Variants in ANKLE2 observed in about 807,000 individuals in gnomAD.
The protein encoded by ANKLE2 is ankyrin repeat and LEM domain-containing protein 2.
A neutral mutation model predicts 84.2 loss-of-function variants in ANKLE2; 55 were observed. The observed-to-expected ratio is 0.65, with a 90% CI of 0.53 to 0.82. The LOEUF is 0.82. ANKLE2 is among the 40% of genes least tolerant of loss of function. The pLI, the probability that ANKLE2 is intolerant of heterozygous loss-of-function variation, is 0.00. For missense variants in ANKLE2, 1,238 were observed against 1,201.9 expected (o/e 1.03, Z -0.44); for synonymous variants, 551 against 486.1 (o/e 1.13, Z -1.76).
rs566940546 is a variant in ANKLE2 at position 132,748,237 on chromosome 12, C to T, written c.942G>A (p.Arg314=). Reference sequence around the variant, plus strand: ...CCTCCTCTCCCTTCTCCACAGCTTTCCGAAGCTTGGCGGTGAGGTCCTGCG... The same window carrying T: ...CCTCCTCTCCCTTCTCCACAGCTTTTCGAAGCTTGGCGGTGAGGTCCTGCG... ...PRTQDLTAKL[R]KAVEKGEEDT... Residue 314 remains arginine, a synonymous_variant, in exon 4 of 13, where the codon CGG becomes CGA. Coordinates refer to ENST00000357997, the MANE Select transcript of ANKLE2 (RefSeq NM_015114.3). 1 of 1,614,184 alleles carries T rather than the reference C, an allele frequency of 6.2e-7. No individual in the cohort carries two copies. Among genetic ancestry groups the T allele is most frequent in the African/African-American group, 1.3e-5 (1 of 75,038 alleles).
At chr12:132,747,211 CCTCT>C (rs1176540527) in intron 5 of ANKLE2, among the ~76,000 whole-genome samples, 6 of 151,660 alleles carry the variant, frequency 4.0e-5, no homozygotes, top group Non-Finnish European at 7.4e-5. Flanking sequence ...ACCCCAGCAG[CCTCT>C]CTCTCTCCAC....
intron 10 of ANKLE2, among the ~76,000 whole-genome samples, chr12:132,733,729 G>A (rs1274691913): frequency 6.6e-6 from 1 of 152,122 alleles, no homozygotes; most frequent in Non-Finnish European, 1.5e-5. Context: ...TGTCTGATAC[G>A]CACCGTGCAA....
At chr12:132,758,913 CCCGGGG>C (rs2044540906) in intron 1 of ANKLE2, 4 of 146,976 alleles carry the variant, frequency 2.7e-5, no homozygotes, top group Admixed American at 1.4e-4. Context: ...GGAGTGGCAC[CCCGGGG>C]CACCCACGTG....
rs1354368792 is a variant in ANKLE2, at chr12:132,761,682, CG to C, written c.116del (p.Pro39ArgfsTer25). On this transcript the variant is annotated frameshift_variant, in exon 1 of 13. Coordinates refer to ENST00000357997, the MANE Select transcript of ANKLE2 (RefSeq NM_015114.3). LOFTEE classifies it high-confidence loss of function. Reference sequence around the variant, plus strand: ...GGGTCCCGCTGCGGCCCAGACCTCCCGGCCGCGGGCCCAGCCGCCGCACCAG... The same window carrying C: ...GGGTCCCGCTGCGGCCCAGACCTCCCGCCGCGGGCCCAGCCGCCGCACCAG... ...RWLVRRLGPR[P>X]GGLGRSGTPV... 1 of 1,344,170 alleles carries C rather than the reference CG, an allele frequency of 7.4e-7. No homozygotes were observed. Among genetic ancestry groups the C allele is most frequent in the Non-Finnish European group, 9.6e-7 (1 of 1,041,430 alleles). 83.3% of individuals were successfully genotyped at this position (1,344,170 alleles called of 1,614,324 possible). A position where few individuals can be genotyped will look rare whatever the true frequency, so the allele number is the denominator to read the frequency against.
intron 11 of ANKLE2, among the ~76,000 whole-genome samples, chr12:132,729,179 C>T (rs1038234954): frequency 6.6e-6 from 1 of 150,630 alleles, no homozygotes; most frequent in Non-Finnish European, 1.5e-5. Flanking sequence ...GGCGAAACCC[C>T]ATCTCTACTA....
At chr12:132,741,286 G>A (rs1173174668) in intron 7 of ANKLE2, 133 bp downstream of exon 7, 17 of 817,254 alleles carry the variant, frequency 2.1e-5, no homozygotes, top group Middle Eastern at 2.5e-4. Flanking sequence ...GGATGATCCC[G>A]AGGAGAGGCT....
intron 5 of ANKLE2, among the ~76,000 whole-genome samples, chr12:132,747,137 G>A (rs912242973): frequency 1.3e-5 from 2 of 152,212 alleles, no homozygotes; most frequent in Non-Finnish European, 2.9e-5. Context: ...CATGGGCATC[G>A]GCCAGGATTG....
intron 1 of ANKLE2, chr12:132,756,967 GAAAT>G (rs1284848362): frequency 1.3e-5 from 2 of 151,760 alleles, no homozygotes; most frequent in East Asian, 1.9e-4. Flanking sequence ...AAAAAAAAAA[GAAAT>G]AAGTAAATAA....
intron 7 of ANKLE2, 152 bp downstream of exon 7, chr12:132,741,267 G>A (rs1235937686): frequency 9.9e-6 from 7 of 709,194 alleles, no homozygotes; most frequent in Admixed American, 2.5e-5. Context: ...GAGAGCTCAG[G>A]AGAAGAAAGG....
intron 5 of ANKLE2, among the ~76,000 whole-genome samples, chr12:132,746,855 C>T (rs776803078): frequency 3.9e-5 from 6 of 152,112 alleles, no homozygotes; most frequent in Non-Finnish European, 5.9e-5. Context: ...TTCACTAACA[C>T]GCTCCATCCC....
rs2043812830 is a variant in ANKLE2, at chr12:132,730,247, C to G, written c.1915G>C (p.Ala639Pro). Residue 639 changes from alanine to proline, a missense_variant, in exon 11 of 13, where the codon GCG becomes CCG. By Grantham distance (27) the Ala-to-Pro change is conservative. This residue lies in a region of ANKLE2 where 802 missense variants were observed against 774.5 expected (regional missense o/e 1.04). Coordinates refer to ENST00000357997, the MANE Select transcript of ANKLE2 (RefSeq NM_015114.3). ...TSGSNSISVR[A>P]FLDEDDMSLE... ...CTCATGTCATCTTCATCTAGAAACG[C>G]CCTCACGGAAATGGAATTGCTGCCT... is the stretch of plus-strand genomic sequence containing the variant. 6.4e-7 allele frequency: 1 copy of G among 1,568,168 alleles called. No individual in the cohort carries two copies. Among genetic ancestry groups the G allele is most frequent in the Non-Finnish European group, 8.7e-7 (1 of 1,155,646 alleles).
chr12:132,736,655 G>A (rs1367544350), intron 8 of ANKLE2, among the ~76,000 whole-genome samples: 1 of 152,226 alleles, frequency 6.6e-6, no homozygotes, highest in Non-Finnish European at 1.5e-5. Flanking sequence ...CTGCTTTGTT[G>A]AGACAGTGGC....
chr12:132,732,328 C>T (rs1290813471), intron 10 of ANKLE2: 103 of 107,444 alleles, frequency 9.6e-4, no homozygotes, highest in African/African-American at 2.3e-3. Flanking sequence ...GTGTCTGATA[C>T]GCACCGTGTG....
chr12:132,741,724 C>G, intron 6 of ANKLE2: 1 of 634,782 alleles, frequency 1.6e-6, no homozygotes, highest in Non-Finnish European at 2.9e-6. Flanking sequence ...GTTTGCGCTA[C>G]TCGACATTTT....
intron 3 of ANKLE2, among the ~76,000 whole-genome samples, chr12:132,750,380 C>T (rs1003699385): frequency 2.6e-5 from 4 of 151,764 alleles, no homozygotes; most frequent in Non-Finnish European, 5.9e-5. Flanking sequence ...GAACAAGACC[C>T]TGTCTCTTTA....
chr12:132,753,329 A>C (rs2044400274), intron 2 of ANKLE2, among the ~76,000 whole-genome samples: 1 of 152,024 alleles, frequency 6.6e-6, no homozygotes, highest in African/African-American at 2.4e-5. Context: ...CTCAAAAAAA[A>C]AAACCACCAA....
chr12:132,749,121 A>C (rs1037729252), intron 3 of ANKLE2: 24 of 151,996 alleles, frequency 1.6e-4, no homozygotes, highest in African/African-American at 5.3e-4. Flanking sequence ...TGTGGCTGCA[A>C]AGGATTACAG....
At chr12:132,734,800 A>G in intron 9 of ANKLE2, 1 of 517,216 alleles carries the variant, frequency 1.9e-6, no homozygotes, top group East Asian at 3.6e-5. Flanking sequence ...GGAGCCGTGA[A>G]CCGGCTGCAG....
In ANKLE2 at chr12:132,732,560, G is replaced by C. The variant is rs549384700; in HGVS notation, c.1891+1825C>G. On this transcript the variant is annotated intron_variant, in intron 10 of 12. Transcript: ENST00000357997. ...TGCATGCTGGTGTCTGATATGCACC[G>C]TGTGAAGCACTGCGCGTCCTGGCGT... Among the ~76,000 whole-genome samples, 16 of 137,090 alleles carry C rather than the reference G, an allele frequency of 1.2e-4. 1 individual carries two copies. The highest frequency in any genetic ancestry group is 4.3e-4 in the African/African-American group (16 of 36,856). The allele number at this position is 137,090 out of a possible 152,430, so 89.9% of individuals were successfully genotyped here. A position where few individuals can be genotyped will look rare whatever the true frequency, so the allele number is the denominator to read the frequency against.
Sources: gnomAD v4.1 joint callset for allele counts (sites outside exome capture counted in the v4.1 genomes callset) on GRCh38, gnomAD v4.1.1 for gene constraint, gnomAD v4.1.1 regional missense constraint, MANE v1.5 for transcripts, NCBI Gene and HGNC (gene_info 2026-07-23, HGNC 2026-07-21) for gene names.